The following AKAP8 variants were observed in gnomAD, a reference collection of about 807,000 sequenced individuals.
AKAP8 encodes the protein A-kinase anchor protein 8.
Under a neutral mutation model 67.5 loss-of-function variants are expected in AKAP8, and 24 were observed. The observed-to-expected ratio is 0.36, with a 90% CI of 0.26 to 0.50. AKAP8 has a LOEUF of 0.50. AKAP8 is among the 20% of genes least tolerant of loss of function. The pLI is 0.97. For synonymous variants in AKAP8, 400 were observed against 371.1 expected, an observed-to-expected ratio of 1.08 and a Z score of -0.90; for missense variants, 971 against 955.9, an observed-to-expected ratio of 1.02 and a Z score of -0.21.
intron 13 of AKAP8, among the ~76,000 whole-genome samples, chr19:15,358,356 ATTC>A (rs1321609510): frequency 6.7e-6 from 1 of 149,722 alleles, no homozygotes; most frequent in Non-Finnish European, 1.5e-5. Flanking sequence ...TGTACCTTGG[ATTC>A]TTTTTTTTTT....
chr19:15,374,931 T>TGGCCA (rs939654303), intron 2 of AKAP8, among the ~76,000 whole-genome samples: 1 of 152,216 alleles, frequency 6.6e-6, no homozygotes, highest in Non-Finnish European at 1.5e-5. Flanking sequence ...GCCAAGAGGT[T>TGGCCA]GGCCAGGCCA....
At chr19:15,364,233 C>T (rs1348894062) in intron 9 of AKAP8, among the ~76,000 whole-genome samples, 2 of 138,922 alleles carry the variant, frequency 1.4e-5, no homozygotes, top group Admixed American at 7.9e-5. Flanking sequence ...GCGATCTCAG[C>T]TAACCGCAAC....
chr19:15,361,696 C>G (rs770473890), intron 11 of AKAP8, 33 bp downstream of exon 11: 1 of 1,579,274 alleles, frequency 6.3e-7, no homozygotes, highest in Non-Finnish European at 8.7e-7. Flanking sequence ...TACTACCATC[C>G]AGGAAAGCAC....
chr19:15,378,055 C>A (rs1440086144), intron 1 of AKAP8, among the ~76,000 whole-genome samples: 2 of 152,180 alleles, frequency 1.3e-5, no homozygotes, highest in Non-Finnish European at 1.5e-5. Flanking sequence ...ACAACTCCCC[C>A]GCCCCCGGCT....
chr19:15,378,046 C>A (rs931825870), intron 1 of AKAP8, among the ~76,000 whole-genome samples: 2 of 152,204 alleles, frequency 1.3e-5, no homozygotes, highest in African/African-American at 4.8e-5. Context: ...CTCACCAGAA[C>A]AACTCCCCCG....
chr19:15,359,459 C>T (rs1966929420), intron 12 of AKAP8, among the ~76,000 whole-genome samples: 1 of 152,196 alleles, frequency 6.6e-6, no homozygotes, highest in African/African-American at 2.4e-5. Flanking sequence ...GCAGCTCATG[C>T]CTGTAATCCT....
rs1040281091 is a variant in AKAP8 at position 15,354,418 on chromosome 19, G to A, written c.*497C>T. Reference sequence around the variant, plus strand: ...GTGCCACATGTGAACCAGGTGCTGCGAAGTCCTGTGAAAGTCACACACCAT... The same window carrying A: ...GTGCCACATGTGAACCAGGTGCTGCAAAGTCCTGTGAAAGTCACACACCAT... On this transcript the variant is annotated 3_prime_UTR_variant, in exon 14 of 14. Coordinates refer to ENST00000269701, the MANE Select transcript of AKAP8 (RefSeq NM_005858.4). The A allele has an allele frequency of 7.5e-5, 12 of 159,412 alleles. No individual in the cohort carries two copies. The highest frequency in any genetic ancestry group is 1.2e-4 in the Admixed American group (2 of 17,208). The allele number at this position is 159,412 out of a possible 1,614,324, so 9.9% of individuals were successfully genotyped here. A position where few individuals can be genotyped will look rare whatever the true frequency, so the allele number is the denominator to read the frequency against.
Position 15,354,740 on chromosome 19 carries a change from ACTG to A in AKAP8, c.*172_*174del. 1 of 685,496 alleles carries A rather than the reference ACTG, an allele frequency of 1.5e-6. No homozygotes were observed. The highest frequency in any genetic ancestry group is 2.4e-6 in the Non-Finnish European group (1 of 414,490). The allele number at this position is 685,496 out of a possible 1,614,324, so 42.5% of individuals were successfully genotyped here. On this transcript the variant is annotated 3_prime_UTR_variant, in exon 14 of 14. Transcript: ENST00000269701. The stretch of plus-strand genomic sequence containing the variant: ...TGAAACCTGGGCAAGAAGCCACACG[ACTG>A]CATGAGACAAGCCGTGAGAGGCACT...
rs528242714 is a variant in AKAP8 at position 15,370,015 on chromosome 19, G to A, written c.1072+131C>T. 1.7e-5 allele frequency: 18 copies of A among 1,088,904 alleles called. 1 individual carries two copies. The South Asian group carries it at 2.1e-4, about 12-fold the overall frequency. The allele number at this position is 1,088,904 out of a possible 1,614,324, so 67.5% of individuals were successfully genotyped here. ...TCGCCACGGTCAAGGCCCATCTGGT[G>A]GCTGCAGCCCCTCTTCCCCCACAGC... On this transcript the variant is annotated intron_variant, in intron 8 of 13. Transcript: ENST00000269701.
In AKAP8 at chr19:15,379,732, G is replaced by C; in HGVS notation, c.-1C>G. 2 of 1,611,872 alleles carry C rather than the reference G, an allele frequency of 1.2e-6. No homozygotes were observed. The highest frequency in any genetic ancestry group is 1.1e-5 in the South Asian group (1 of 90,662). On this transcript the variant is annotated 5_prime_UTR_variant, in exon 1 of 14. Coordinates refer to ENST00000269701, the MANE Select transcript of AKAP8 (RefSeq NM_005858.4). ...ACAAACCTCCGTAGCCCTGGTCCAT[G>C]TCTTCGACGCGGCCCACCAGCAGCC... is the stretch of plus-strand genomic sequence containing the variant.
In AKAP8 at chr19:15,369,624, T is replaced by G. The variant is rs968747995; in HGVS notation, c.1072+522A>C. On this transcript the variant is annotated intron_variant, in intron 8 of 13. Coordinates refer to ENST00000269701, the MANE Select transcript of AKAP8 (RefSeq NM_005858.4). This position sits in a 1 kb window ranked among gnomAD's most constrained non-coding sequence, Gnocchi z 4.6. ...GGGCGCCCGCCTCTCAAAGACCCAG[T>G]GGGCCTGGGTGCTCCCGACCCCGCA... 2.0e-5 allele frequency among the ~76,000 whole-genome samples: 3 copies of G among 152,308 alleles called. No individual in the cohort carries two copies. The highest frequency in any genetic ancestry group is 6.5e-5 in the Admixed American group (1 of 15,304).
intron 9 of AKAP8, among the ~76,000 whole-genome samples, chr19:15,367,345 C>T (rs949714610): frequency 3.3e-5 from 5 of 152,056 alleles, no homozygotes; most frequent in African/African-American, 9.7e-5. Context: ...CTTGCCAACA[C>T]GGTGAATCCC....
In AKAP8 at chr19:15,373,783, C is replaced by T; in HGVS notation, c.371+3G>A. On this transcript the variant is annotated splice_donor_region_variant and intron_variant, in intron 4 of 13. Coordinates refer to ENST00000269701, the MANE Select transcript of AKAP8 (RefSeq NM_005858.4). ...CCGGGGGAGGGCTTGGGTCCATAAT[C>T]ACCTCTCCCGGTCCTGTATGCCCTC... 6.2e-7 allele frequency: 1 copy of T among 1,605,420 alleles called. No homozygotes were observed. Among genetic ancestry groups the T allele is most frequent in the Non-Finnish European group, 8.5e-7 (1 of 1,178,688 alleles).
In AKAP8 at chr19:15,363,250, C is replaced by A. The variant is rs563586247; in HGVS notation, c.1161-999G>T. Among the ~76,000 whole-genome samples the A allele has an allele frequency of 4.0e-5, 6 of 150,298 alleles. No individual in the cohort carries two copies. The East Asian group carries it at 1.2e-3, about 30-fold the overall frequency. ...GTGGGGGGATCAGCCCCCCGCCCGG[C>A]CAGCCGCCCCGTCTGGGAGGTGAGG... On this transcript the variant is annotated intron_variant, in intron 9 of 13. Transcript: ENST00000269701.
chr19:15,365,603 A>G (rs530731802), intron 9 of AKAP8, among the ~76,000 whole-genome samples: 32 of 152,264 alleles, frequency 2.1e-4, no homozygotes, highest in Non-Finnish European at 4.1e-4. Flanking sequence ...GACAGCCCCT[A>G]CGTAGGCGGG....
chr19:15,371,215 T>C (rs1185769594), intron 7 of AKAP8, among the ~76,000 whole-genome samples: 1 of 151,122 alleles, frequency 6.6e-6, no homozygotes, highest in Non-Finnish European at 1.5e-5. Context: ...CCAACTTGGA[T>C]CAGAATCTAC....
chr19:15,357,066 C>CT (rs1966893805), intron 13 of AKAP8, among the ~76,000 whole-genome samples: 2 of 152,038 alleles, frequency 1.3e-5, no homozygotes, highest in Non-Finnish European at 2.9e-5. Flanking sequence ...TCAAGCAATT[C>CT]ACTGCCTCAG....
chr19:15,356,324 G>A lies in AKAP8; in HGVS notation c.1624-954C>T, dbSNP rs185119859. 8.7e-4 allele frequency among the ~76,000 whole-genome samples: 133 copies of A among 152,144 alleles called. 2 individuals are homozygous for A. The East Asian group carries it at 0.023, about 26-fold the overall frequency. ...GGAGGCTGAGGCAGCAGAATGGCGT[G>A]AACCTGGGAGGCGGAGCTTGCAGTA... On this transcript the variant is annotated intron_variant, in intron 13 of 13. Transcript: ENST00000269701.
chr19:15,370,279 C>G, intron 7 of AKAP8, 100 bp from the exon 8 acceptor site: 1 of 1,389,004 alleles, frequency 7.2e-7, no homozygotes, highest in Non-Finnish European at 1.0e-6. Context: ...CAGTCTCACC[C>G]AAGACCTAGG....
Sources: gnomAD v4.1 joint callset for allele counts (sites outside exome capture counted in the v4.1 genomes callset) on GRCh38, gnomAD v4.1.1 for gene constraint, Gnocchi (gnomAD v3.1) non-coding constraint, MANE v1.5 for transcripts, NCBI Gene and HGNC (gene_info 2026-07-23, HGNC 2026-07-21) for gene names.